The following GPHN variants were observed in gnomAD, a reference collection of about 807,000 sequenced individuals.
The protein encoded by GPHN is gephyrin.
A neutral mutation model predicts 95.5 loss-of-function variants in GPHN; 17 were observed. The observed-to-expected ratio is 0.18, with a 90% CI of 0.12 to 0.27. The LOEUF is 0.27. GPHN is among the 10% of genes least tolerant of loss of function. The pLI is 1.00. For synonymous variants in GPHN, 320 were observed against 322.5 expected, an observed-to-expected ratio of 0.99 and a Z score of 0.08; for missense variants, 660 against 978.1, an observed-to-expected ratio of 0.67 and a Z score of 4.34.
intron 1 of GPHN, among the ~76,000 whole-genome samples, chr14:66,545,432 G>A (rs1275694894): frequency 1.4e-5 from 2 of 140,824 alleles, no homozygotes; most frequent in Non-Finnish European, 3.1e-5. Flanking sequence ...CGGGCAGAGG[G>A]GCTCCTCACT....
chr14:66,936,865 T>C (rs1030563981), intron 8 of GPHN, among the ~76,000 whole-genome samples: 5 of 152,252 alleles, frequency 3.3e-5, no homozygotes, highest in Non-Finnish European at 5.9e-5. Context: ...TATTTGCATT[T>C]CTATGGACAG....
At chr14:67,134,856 CTCTT>C (rs1362713393) in intron 17 of GPHN, among the ~76,000 whole-genome samples, 2 of 146,396 alleles carry the variant, frequency 1.4e-5, no homozygotes, top group Non-Finnish European at 3.0e-5. Context: ...CTTTCTCTTT[CTCTT>C]TCTTTTTTAA....
chr14:67,573,773 G>A, the GPHN span: 1 of 1,466,888 alleles, frequency 6.8e-7, no homozygotes. The surrounding 1 kb of genome is among the most constrained non-coding windows in gnomAD (Gnocchi z 4.8). Flanking sequence ...ACATTCAGTG[G>A]CTCTCCTCTC....
chr14:66,761,293 T>C lies in GPHN; in HGVS notation c.144-15171T>C, dbSNP rs537262847. Among the ~76,000 whole-genome samples the C allele has an allele frequency of 2.0e-5, 3 of 152,282 alleles. No homozygotes were observed. The South Asian group carries it at 6.2e-4, about 32-fold the overall frequency. On this transcript the variant is annotated intron_variant, in intron 2 of 22. Coordinates refer to ENST00000478722, the MANE Select transcript of GPHN (RefSeq NM_020806.5). ...GTGGATGTAAAATGGTTATGCCATTTGGATAATGGCACTAGGCAGCATTTG... is the reference window on the plus strand; with the variant it reads ...GTGGATGTAAAATGGTTATGCCATTCGGATAATGGCACTAGGCAGCATTTG...
At chr14:66,666,003 A>C (rs1268781766) in intron 1 of GPHN, among the ~76,000 whole-genome samples, 1 of 152,054 alleles carries the variant, frequency 6.6e-6, no homozygotes, top group Non-Finnish European at 1.5e-5. Flanking sequence ...TCGCAAGGAC[A>C]AAAAACCAAA....
intron 1 of GPHN, among the ~76,000 whole-genome samples, chr14:66,516,013 A>G (rs1286829244): frequency 2.7e-5 from 4 of 146,126 alleles, no homozygotes; most frequent in South Asian, 2.2e-4. Flanking sequence ...TTTGATACAC[A>G]TTTTTTTTTT....
the GPHN span, chr14:67,199,570 C>T: frequency 1.4e-5 from 23 of 1,598,252 alleles, no homozygotes; most frequent in Non-Finnish European, 1.9e-5. Flanking sequence ...TCTGTAACCA[C>T]CCTATCACCG....
At chr14:67,407,366 C>G in the GPHN span, among the ~76,000 whole-genome samples, 2 of 151,464 alleles carry the variant, frequency 1.3e-5, no homozygotes, top group African/African-American at 4.9e-5. Context: ...CGTGATCTGC[C>G]CACCTCGGCC....
At chr14:66,809,239 A>G (rs932869514) in intron 3 of GPHN, among the ~76,000 whole-genome samples, 2 of 152,194 alleles carry the variant, frequency 1.3e-5, no homozygotes, top group Non-Finnish European at 2.9e-5. Context: ...AATAAGGCTT[A>G]TGCCTGTGGC....
At chr14:66,981,795 T>C (rs1320670940) in intron 9 of GPHN, among the ~76,000 whole-genome samples, 1 of 152,154 alleles carries the variant, frequency 6.6e-6, no homozygotes, top group Non-Finnish European at 1.5e-5. Flanking sequence ...GGGGAGAAGG[T>C]CTACATTCGT....
At chr14:66,937,278 A>G (rs2067178751) in intron 8 of GPHN, among the ~76,000 whole-genome samples, 1 of 152,194 alleles carries the variant, frequency 6.6e-6, no homozygotes, top group Non-Finnish European at 1.5e-5. Context: ...TGTTAGCATT[A>G]CAGGCATGAG....
At chr14:67,242,619 G>C in the GPHN span, among the ~76,000 whole-genome samples, 1 of 151,772 alleles carries the variant, frequency 6.6e-6, no homozygotes, top group African/African-American at 2.4e-5. Context: ...CTTGAATTAA[G>C]AACTACGATT....
the GPHN span, among the ~76,000 whole-genome samples, chr14:67,514,741 C>G: frequency 1.3e-5 from 2 of 152,090 alleles, no homozygotes; most frequent in Non-Finnish European, 2.9e-5. Flanking sequence ...TGTCAACCTA[C>G]CGCTGCCCCT....
chr14:67,420,461 A>T, the GPHN span, among the ~76,000 whole-genome samples: 394 of 152,346 alleles, frequency 2.6e-3, 1 homozygote, highest in Non-Finnish European at 4.5e-3. Context: ...AGATGGTGGA[A>T]GGATTGAATT....
intron 17 of GPHN, among the ~76,000 whole-genome samples, chr14:67,124,061 T>C (rs936457699): frequency 6.6e-6 from 1 of 152,314 alleles, no homozygotes; most frequent in East Asian, 1.9e-4. Flanking sequence ...TATTTTCAAA[T>C]GTCATTCTTT....
chr14:66,740,195 T>C (rs1177874160), intron 2 of GPHN, among the ~76,000 whole-genome samples: 1 of 152,124 alleles, frequency 6.6e-6, no homozygotes, highest in African/African-American at 2.4e-5. Context: ...TGGTCAAATA[T>C]GCTCATTCAT....
intron 1 of GPHN, among the ~76,000 whole-genome samples, chr14:66,536,842 TAGTGTC>T (rs2059164297): frequency 6.6e-6 from 1 of 151,180 alleles, no homozygotes; most frequent in African/African-American, 2.5e-5. Context: ...GTTTTGAGAG[TAGTGTC>T]TTAAAATTAT....
At chr14:67,635,020 G>A in the GPHN span, among the ~76,000 whole-genome samples, 1 of 152,204 alleles carries the variant, frequency 6.6e-6, no homozygotes, top group Non-Finnish European at 1.5e-5. Context: ...TGAAGAGGGT[G>A]GATCGCCTGA....
Position 66,689,734 on chromosome 14 carries a change from G to T in GPHN, c.143+8549G>T, listed in dbSNP as rs571081763. ...GTTAATTTTCAATTGGTTTGTTGGG[G>T]TTTTTCATTTCTTCTTGGCTCAGTT... On this transcript the variant is annotated intron_variant, in intron 2 of 22. Transcript: ENST00000478722. 2.6e-5 allele frequency among the ~76,000 whole-genome samples: 4 copies of T among 152,164 alleles called. No homozygotes were observed. In the South Asian group the frequency reaches 8.3e-4, roughly 32 times the overall value.
Sources: gnomAD v4.1 joint callset for allele counts (sites outside exome capture counted in the v4.1 genomes callset) on GRCh38, gnomAD v4.1.1 for gene constraint, Gnocchi (gnomAD v3.1) non-coding constraint, MANE v1.5 for transcripts, NCBI Gene and HGNC (gene_info 2026-07-23, HGNC 2026-07-21) for gene names.